The following LRRTM3 variants were observed in gnomAD, a reference collection of about 807,000 sequenced individuals.
The protein encoded by LRRTM3 is leucine-rich repeat transmembrane neuronal protein 3.
In LRRTM3, 24 loss-of-function variants were observed where a neutral mutation model predicts 44.7. The observed-to-expected ratio is 0.54, with a 90% CI of 0.39 to 0.76. The LOEUF is 0.76. Ranked by LOEUF, LRRTM3 falls within the 30% of genes least tolerant of loss-of-function variation. The probability of loss-of-function intolerance (pLI) is 0.00; values close to 1 mark genes in which losing one functional copy is unlikely to be tolerated. For missense variants in LRRTM3, 587 were observed against 702.2 expected (o/e 0.84, Z 1.85); for synonymous variants, 277 against 278.7 (o/e 0.99, Z 0.06).
chr10:67,065,969 G>A (rs897262893), intron 2 of LRRTM3, among the ~76,000 whole-genome samples: 1 of 151,838 alleles, frequency 6.6e-6, no homozygotes, highest in African/African-American at 2.4e-5. Flanking sequence ...CAAGTATACA[G>A]ATGTCAACTA....
At chr10:67,053,367 A>AT (rs1441014742) in intron 2 of LRRTM3, among the ~76,000 whole-genome samples, 1 of 152,174 alleles carries the variant, frequency 6.6e-6, no homozygotes, top group African/African-American at 2.4e-5. Context: ...AGAAGTTGGA[A>AT]TTTTTTTAAG....
Position 66,995,211 on chromosome 10 carries a change from G to A in LRRTM3, c.1536+66759G>A, listed in dbSNP as rs77762469. 1.1e-4 allele frequency among the ~76,000 whole-genome samples: 17 copies of A among 152,128 alleles called. No individual in the cohort carries two copies. The East Asian group carries it at 1.9e-3, about 17-fold the overall frequency. On this transcript the variant is annotated intron_variant, in intron 2 of 2. Transcript: ENST00000361320. ...CTCCTCCTTTTGTATTTCTCTCTCCGTGAATAGAACCACCATCCACCCAGG... is the reference window on the plus strand; with the variant it reads ...CTCCTCCTTTTGTATTTCTCTCTCCATGAATAGAACCACCATCCACCCAGG...
At chr10:66,944,160 G>T (rs992049068) in intron 2 of LRRTM3, among the ~76,000 whole-genome samples, 1 of 152,176 alleles carries the variant, frequency 6.6e-6, no homozygotes, top group Admixed American at 6.5e-5. Flanking sequence ...CAAAATTGAA[G>T]TCAATCCTCT....
At chr10:66,934,962 A>T (rs1354973551) in intron 2 of LRRTM3, among the ~76,000 whole-genome samples, 2 of 152,106 alleles carry the variant, frequency 1.3e-5, no homozygotes, top group Non-Finnish European at 2.9e-5. Context: ...AGCAGAATGA[A>T]AATGTCATCA....
intron 2 of LRRTM3, among the ~76,000 whole-genome samples, chr10:67,070,765 G>GA (rs995511048): frequency 5.9e-5 from 9 of 151,366 alleles, no homozygotes; most frequent in East Asian, 1.9e-4. Context: ...AGAAAGAAAA[G>GA]AAAAAAAAGA....
intron 2 of LRRTM3, among the ~76,000 whole-genome samples, chr10:67,060,136 C>T (rs189643698): frequency 3.9e-5 from 6 of 151,940 alleles, no homozygotes; most frequent in Admixed American, 1.3e-4. Context: ...GGCAACATGG[C>T]GAAACCCCAT....
intron 2 of LRRTM3, among the ~76,000 whole-genome samples, chr10:66,940,712 T>C (rs1239122359): frequency 6.6e-6 from 1 of 152,152 alleles, no homozygotes; most frequent in East Asian, 1.9e-4. Context: ...CAGTGTGTTG[T>C]ACAAAGTAAT....
intron 2 of LRRTM3, among the ~76,000 whole-genome samples, chr10:67,062,530 TGTGTCTGC>T (rs1486718454): frequency 7.2e-5 from 11 of 152,170 alleles, no homozygotes; most frequent in African/African-American, 2.4e-4. Context: ...TGTGTGTCTG[TGTGTCTGC>T]GTGTAGATAT....
At chr10:66,976,851 TG>T (rs1850065965) in intron 2 of LRRTM3, among the ~76,000 whole-genome samples, 1 of 152,168 alleles carries the variant, frequency 6.6e-6, no homozygotes. Context: ...CCCACGTTTT[TG>T]TTTTTGCTCT....
Position 66,947,895 on chromosome 10 carries a change from C to T in LRRTM3, c.1536+19443C>T, listed in dbSNP as rs534254439. Among the ~76,000 whole-genome samples, 25 of 152,292 alleles carry T rather than the reference C, an allele frequency of 1.6e-4. No individual in the cohort carries two copies. In the South Asian group the frequency reaches 5.2e-3, roughly 32 times the overall value. On this transcript the variant is annotated intron_variant, in intron 2 of 2. Coordinates refer to ENST00000361320, the MANE Select transcript of LRRTM3 (RefSeq NM_178011.5). ...TTAGGCAATTTTGTCATTGTGCGAA[C>T]ATCACAGAGTGTACTTACATAAACC...
At chr10:66,949,346 C>T (rs1441828724) in intron 2 of LRRTM3, among the ~76,000 whole-genome samples, 6 of 151,984 alleles carry the variant, frequency 3.9e-5, no homozygotes, top group East Asian at 1.9e-4. Context: ...CACCTGAGGT[C>T]GGGAGTTGGA....
At chr10:67,076,808 G>A (rs994893909) in intron 2 of LRRTM3, among the ~76,000 whole-genome samples, 1 of 152,078 alleles carries the variant, frequency 6.6e-6, no homozygotes, top group East Asian at 1.9e-4. Flanking sequence ...TTAGAAAAAT[G>A]CTCTACTGAA....
At chr10:67,062,186 C>T (rs530950662) in intron 2 of LRRTM3, among the ~76,000 whole-genome samples, 11 of 115,738 alleles carry the variant, frequency 9.5e-5, no homozygotes, top group Non-Finnish European at 1.5e-4. Context: ...TAGATAAGAA[C>T]GTTAAAACCC....
At chr10:66,988,724 A>T (rs1418658399) in intron 2 of LRRTM3, among the ~76,000 whole-genome samples, 1 of 152,156 alleles carries the variant, frequency 6.6e-6, no homozygotes, top group Non-Finnish European at 1.5e-5. Context: ...AATACTAGGA[A>T]CTAAAATGAG....
intron 2 of LRRTM3, among the ~76,000 whole-genome samples, chr10:67,005,017 CATAGAG>C (rs774488306): frequency 1.5e-3 from 224 of 152,140 alleles, no homozygotes; most frequent in Non-Finnish European, 2.8e-3. Context: ...AAGGTAGTTT[CATAGAG>C]ATAATCACAA....
intron 2 of LRRTM3, among the ~76,000 whole-genome samples, chr10:66,995,757 C>T (rs1657918576): frequency 6.6e-6 from 1 of 152,162 alleles, no homozygotes; most frequent in African/African-American, 2.4e-5. Flanking sequence ...ATCTTCTCCC[C>T]TACTTGCCTT....
At chr10:67,093,827 C>A (rs1251550187) in intron 2 of LRRTM3, among the ~76,000 whole-genome samples, 2 of 151,964 alleles carry the variant, frequency 1.3e-5, no homozygotes, top group Non-Finnish European at 2.9e-5. Context: ...TAGTCACACT[C>A]CTTTTTCAAA....
At chr10:66,977,894 T>C (rs934394802) in intron 2 of LRRTM3, among the ~76,000 whole-genome samples, 1 of 152,204 alleles carries the variant, frequency 6.6e-6, no homozygotes, top group African/African-American at 2.4e-5. Flanking sequence ...AAATAGTTTA[T>C]AAATGTAAGT....
At chr10:66,985,410 C>T (rs1389215033) in intron 2 of LRRTM3, among the ~76,000 whole-genome samples, 2 of 152,130 alleles carry the variant, frequency 1.3e-5, no homozygotes, top group Non-Finnish European at 2.9e-5. Context: ...GGGTGCCCAA[C>T]AGGAACCTGG....
Sources: gnomAD v4.1 joint callset for allele counts (sites outside exome capture counted in the v4.1 genomes callset) on GRCh38, gnomAD v4.1.1 for gene constraint, MANE v1.5 for transcripts, NCBI Gene and HGNC (gene_info 2026-07-23, HGNC 2026-07-21) for gene names.